DLG2: variants seen among roughly 807,000 people sequenced by gnomAD.
The protein encoded by DLG2 is disks large homolog 2.
Under a neutral mutation model 132.5 loss-of-function variants are expected in DLG2, and 45 were observed. That is an observed-to-expected ratio of 0.34 (90% CI 0.27 to 0.44). DLG2 has a LOEUF of 0.44. DLG2 is among the 20% of genes least tolerant of loss of function. The probability of loss-of-function intolerance (pLI) is 1.00; values close to 1 mark genes in which losing one functional copy is unlikely to be tolerated. For missense variants in DLG2, 1,045 were observed against 1,196.9 expected (o/e 0.87, Z 1.87); for synonymous variants, 424 against 419.6 (o/e 1.01, Z -0.13).
chr11:83,638,203 T>G (rs2065363682), intron 18 of DLG2, among the ~76,000 whole-genome samples: 1 of 152,142 alleles, frequency 6.6e-6, no homozygotes. Flanking sequence ...TTTTTGAGTA[T>G]GTAAAGCCAG....
chr11:83,526,611 C>T (rs540701236), intron 21 of DLG2, among the ~76,000 whole-genome samples: 50 of 152,250 alleles, frequency 3.3e-4, no homozygotes, highest in African/African-American at 1.1e-3. Flanking sequence ...TCTGGTTGGT[C>T]ACAACCCTTA....
chr11:85,282,609 G>A (rs892329156), intron 4 of DLG2, among the ~76,000 whole-genome samples: 4 of 151,930 alleles, frequency 2.6e-5, no homozygotes, highest in Admixed American at 1.3e-4. Flanking sequence ...CGGAAAGTGA[G>A]TGAAAGGGGA....
intron 6 of DLG2, among the ~76,000 whole-genome samples, chr11:84,836,982 G>A (rs1314506216): frequency 6.6e-6 from 1 of 151,618 alleles, no homozygotes; most frequent in East Asian, 2.0e-4. Flanking sequence ...TTAACATTAG[G>A]TATATCTCCT....
intron 14 of DLG2, among the ~76,000 whole-genome samples, chr11:83,943,278 G>A (rs148784956): frequency 8.5e-5 from 13 of 152,220 alleles, no homozygotes; most frequent in African/African-American, 1.7e-4. Context: ...CAATAAAGCT[G>A]GAGGAAAAAA....
intron 9 of DLG2, among the ~76,000 whole-genome samples, chr11:84,150,702 G>T (rs939655018): frequency 5.9e-5 from 9 of 152,206 alleles, no homozygotes; most frequent in East Asian, 1.9e-4. Context: ...TTCTCAATGG[G>T]AATGCTTCCA....
intron 16 of DLG2, among the ~76,000 whole-genome samples, chr11:83,859,887 T>A (rs931887649): frequency 6.6e-6 from 1 of 152,078 alleles, no homozygotes. Context: ...TTGCCCTGCA[T>A]CCCAGCCACT....
At chr11:85,129,496 C>A (rs2075478947) in intron 5 of DLG2, among the ~76,000 whole-genome samples, 2 of 152,114 alleles carry the variant, frequency 1.3e-5, no homozygotes, top group Admixed American at 1.3e-4. Context: ...TTCTAACTGG[C>A]ATGAGATGGT....
At chr11:84,621,470 C>T (rs925292680) in intron 6 of DLG2, among the ~76,000 whole-genome samples, 1 of 152,106 alleles carries the variant, frequency 6.6e-6, no homozygotes, top group Non-Finnish European at 1.5e-5. Context: ...ATTATAGATT[C>T]ATGTTTTGGC....
intron 19 of DLG2, among the ~76,000 whole-genome samples, chr11:83,595,073 A>T (rs1292950482): frequency 6.6e-6 from 1 of 152,236 alleles, no homozygotes; most frequent in African/African-American, 2.4e-5. Flanking sequence ...TGACTACAGA[A>T]GTTATTTAAA....
At chr11:83,989,657 G>A (rs1592502417) in intron 11 of DLG2, among the ~76,000 whole-genome samples, 1 of 152,236 alleles carries the variant, frequency 6.6e-6, no homozygotes. Context: ...CTGGATAAAT[G>A]ACTAAAGAGT....
chr11:83,921,062 C>G (rs1419052219), intron 15 of DLG2, among the ~76,000 whole-genome samples: 1 of 152,140 alleles, frequency 6.6e-6, no homozygotes, highest in African/African-American at 2.4e-5. Context: ...TAGTTAGGTT[C>G]AAATTCTACC....
At chr11:84,976,245 T>C (rs1353790292) in intron 6 of DLG2, among the ~76,000 whole-genome samples, 2 of 152,184 alleles carry the variant, frequency 1.3e-5, no homozygotes, top group Non-Finnish European at 2.9e-5. Flanking sequence ...AGTTGATACA[T>C]GTTTTCTGCA....
At chr11:85,429,902 T>C (rs1302369552) in intron 3 of DLG2, among the ~76,000 whole-genome samples, 2 of 152,168 alleles carry the variant, frequency 1.3e-5, no homozygotes, top group Non-Finnish European at 2.9e-5. Context: ...TAAAGACACA[T>C]ACACACATAT....
At chr11:85,383,123 C>CATACAACAGAATATTATTCAGCA (rs1163978539) in intron 3 of DLG2, among the ~76,000 whole-genome samples, 2 of 152,062 alleles carry the variant, frequency 1.3e-5, no homozygotes, top group Non-Finnish European at 2.9e-5. Context: ...ATAGTCTATC[C>CATACAACAGAATATTATTCAGCA]ATACAACAGA....
chr11:83,749,993 T>G (rs2093198741), intron 18 of DLG2, among the ~76,000 whole-genome samples: 1 of 152,222 alleles, frequency 6.6e-6, no homozygotes, highest in Non-Finnish European at 1.5e-5. Context: ...AGGATCAGGT[T>G]GTTATGAACT....
At chr11:84,090,206 G>A (rs925094095) in intron 10 of DLG2, among the ~76,000 whole-genome samples, 1 of 152,054 alleles carries the variant, frequency 6.6e-6, no homozygotes. Flanking sequence ...CTGAGGTCAG[G>A]AGTTCAAGAC....
rs181846551 is a variant in DLG2 at position 84,645,268 on chromosome 11, A to C, written c.358-110537T>G. ...TATTATCAGTAAAATGGGCGTTATA[A>C]TAGGTACCTTTTCTAAGGGTTAAAT... On this transcript the variant is annotated intron_variant, in intron 6 of 27. Transcript: ENST00000376104. Among the ~76,000 whole-genome samples, 6 of 152,256 alleles carry C rather than the reference A, an allele frequency of 3.9e-5. No individual in the cohort carries two copies. The East Asian group carries it at 1.2e-3, about 29-fold the overall frequency.
chr11:83,920,472 C>T, intron 15 of DLG2, among the ~76,000 whole-genome samples: 1 of 152,242 alleles, frequency 6.6e-6, no homozygotes, highest in South Asian at 2.1e-4. Context: ...GCCAACCCTA[C>T]CATTCATCTC....
At chr11:83,941,769 C>A (rs76299377) in intron 14 of DLG2, among the ~76,000 whole-genome samples, 11,623 of 152,242 alleles carry the variant, frequency 0.076, 610 homozygotes, top group Non-Finnish European at 0.12. Flanking sequence ...CTATTTATAT[C>A]TATCCCCATA....
Sources: allele counts gnomAD v4.1 joint callset (sites outside exome capture counted in the v4.1 genomes callset), GRCh38; gene constraint gnomAD v4.1.1; transcripts MANE v1.5; gene names NCBI Gene and HGNC (gene_info 2026-07-23, HGNC 2026-07-21).